Variants in TMEM74 observed in about 807,000 individuals in gnomAD.
The protein encoded by TMEM74 is transmembrane protein 74.
A neutral mutation model predicts 18.1 loss-of-function variants in TMEM74; 13 were observed. The observed-to-expected ratio is 0.72, with a 90% confidence interval of 0.47 to 1.14. TMEM74 has a LOEUF of 1.14. Ranked by LOEUF, TMEM74 falls within the 50% of genes most tolerant of loss-of-function variation. The probability of loss-of-function intolerance (pLI) is 0.00; values close to 1 mark genes in which losing one functional copy is unlikely to be tolerated. For synonymous variants in TMEM74, 159 were observed against 146.6 expected (o/e 1.08, Z -0.61); for missense variants, 372 against 375.9 (o/e 0.99, Z 0.09).
intron 1 of TMEM74, among the ~76,000 whole-genome samples, chr8:108,743,557 G>C (rs1425061678): frequency 6.6e-6 from 1 of 152,154 alleles, no homozygotes; most frequent in East Asian, 1.9e-4. Flanking sequence ...TGGAATGCTT[G>C]AAAGGAGGTA....
intron 2 of TMEM74, among the ~76,000 whole-genome samples, chr8:108,654,756 T>C (rs1044949705): frequency 1.4e-5 from 2 of 139,090 alleles, no homozygotes; most frequent in African/African-American, 5.4e-5. Context: ...TTTTACCAAG[T>C]GTTTTTTTTT....
At chr8:108,684,018 G>T (rs1254234172) in intron 1 of TMEM74, among the ~76,000 whole-genome samples, 1 of 152,044 alleles carries the variant, frequency 6.6e-6, no homozygotes, top group African/African-American at 2.4e-5. Flanking sequence ...TGGACACTTA[G>T]ATTGATTCCA....
At chr8:108,654,897 G>A (rs1812806538) in intron 2 of TMEM74, among the ~76,000 whole-genome samples, 1 of 151,930 alleles carries the variant, frequency 6.6e-6, no homozygotes, top group African/African-American at 2.4e-5. Flanking sequence ...ATCGTATACT[G>A]TATGGTCTAA....
chr8:108,617,691 G>A (rs1359348692), intron 2 of TMEM74, among the ~76,000 whole-genome samples: 29 of 152,054 alleles, frequency 1.9e-4, no homozygotes, highest in Non-Finnish European at 4.4e-5. Context: ...TGGAATGAAT[G>A]GAATATAAGG....
intron 1 of TMEM74, among the ~76,000 whole-genome samples, chr8:108,677,843 C>G (rs1813069821): frequency 6.6e-6 from 1 of 152,110 alleles, no homozygotes; most frequent in African/African-American, 2.4e-5. Flanking sequence ...CTTCCTAGGT[C>G]CTTTTAAATA....
At chr8:108,638,736 AT>A (rs1270594761) in intron 2 of TMEM74, among the ~76,000 whole-genome samples, 2 of 152,062 alleles carry the variant, frequency 1.3e-5, no homozygotes, top group African/African-American at 4.8e-5. Flanking sequence ...TAGGCACTGT[AT>A]TATGTATTTT....
chr8:108,708,809 CAAAAAAAAAAAAAAA>C (rs71564016), intron 1 of TMEM74, among the ~76,000 whole-genome samples: 1 of 17,942 alleles, frequency 5.6e-5, no homozygotes, highest in African/African-American at 4.0e-4. Flanking sequence ...AACTCAATAG[CAAAAAAAAAAAAAAA>C]AAAAAAAACC....
At chr8:108,667,245 T>C (rs1457229103) in intron 1 of TMEM74, among the ~76,000 whole-genome samples, 2 of 152,142 alleles carry the variant, frequency 1.3e-5, no homozygotes, top group Non-Finnish European at 2.9e-5. Flanking sequence ...CTTTTGTGAG[T>C]AGGCACATAA....
chr8:108,746,904 C>T (rs1813853664), intron 1 of TMEM74, among the ~76,000 whole-genome samples: 1 of 152,134 alleles, frequency 6.6e-6, no homozygotes, highest in African/African-American at 2.4e-5. Flanking sequence ...CGTCCCTTTC[C>T]TCATGCCTTG....
intron 1 of TMEM74, among the ~76,000 whole-genome samples, chr8:108,745,255 G>A (rs1183150337): frequency 1.6e-4 from 25 of 152,050 alleles, no homozygotes; most frequent in Non-Finnish European, 1.5e-5. Context: ...TTCCATGAAA[G>A]GCCAGAGTAA....
At chr8:108,615,652 G>C (rs1778529017) in intron 2 of TMEM74, among the ~76,000 whole-genome samples, 1 of 152,024 alleles carries the variant, frequency 6.6e-6, no homozygotes, top group African/African-American at 2.4e-5. Context: ...ACAGAATTCT[G>C]TAGAGAGAGA....
At chr8:108,707,184 G>A (rs1490249795) in intron 1 of TMEM74, among the ~76,000 whole-genome samples, 6 of 150,694 alleles carry the variant, frequency 4.0e-5, no homozygotes, top group Middle Eastern at 3.4e-3. Context: ...GGGGCCTGTC[G>A]GGGGGTGGGG....
chr8:108,623,764 T>C (rs912803428), intron 2 of TMEM74, among the ~76,000 whole-genome samples: 1 of 152,040 alleles, frequency 6.6e-6, no homozygotes, highest in Non-Finnish European at 1.5e-5. Flanking sequence ...AGAGCCAGAA[T>C]GTCCCCTGGA....
intron 1 of TMEM74, among the ~76,000 whole-genome samples, chr8:108,689,138 C>T (rs1813200061): frequency 6.6e-6 from 1 of 152,226 alleles, no homozygotes. Flanking sequence ...TCACTTCTCT[C>T]TCTAGAAAGA....
chr8:108,639,908 G>T (rs1020776817), intron 2 of TMEM74, among the ~76,000 whole-genome samples: 12 of 151,974 alleles, frequency 7.9e-5, no homozygotes, highest in African/African-American at 2.4e-4. Flanking sequence ...TTGTGGGTAT[G>T]TATGCACTAA....
intron 2 of TMEM74, among the ~76,000 whole-genome samples, chr8:108,646,506 T>G (rs1812721843): frequency 6.6e-6 from 1 of 152,128 alleles, no homozygotes; most frequent in African/African-American, 2.4e-5. Context: ...TTTGCATGGG[T>G]GAGTTCATGA....
intron 2 of TMEM74, among the ~76,000 whole-genome samples, chr8:108,632,574 A>C (rs1812565471): frequency 6.6e-6 from 1 of 152,042 alleles, no homozygotes. Context: ...ATTACCTAAG[A>C]AAGAAAGAAA....
At chr8:108,609,908 A>G (rs1371532812) in intron 2 of TMEM74, among the ~76,000 whole-genome samples, 2 of 152,210 alleles carry the variant, frequency 1.3e-5, no homozygotes, top group Non-Finnish European at 2.9e-5. Flanking sequence ...TATGGTCCCT[A>G]CTACATAGAC....
chr8:108,623,745 G>A (rs545055980), intron 2 of TMEM74, among the ~76,000 whole-genome samples: 2 of 152,086 alleles, frequency 1.3e-5, no homozygotes, highest in South Asian at 4.2e-4. Context: ...CTAACCCAGT[G>A]GTTCTCAAAG....
Sources: gnomAD v4.1 joint callset for allele counts (sites outside exome capture counted in the v4.1 genomes callset) on GRCh38, gnomAD v4.1.1 for gene constraint, MANE v1.5 for transcripts, NCBI Gene and HGNC (gene_info 2026-07-23, HGNC 2026-07-21) for gene names.